LRRTM4: variants seen among roughly 807,000 people sequenced by gnomAD.
LRRTM4 encodes leucine rich repeat transmembrane neuronal 4, also known as leucine-rich repeat transmembrane neuronal protein 4.
Under a neutral mutation model 47.6 loss-of-function variants are expected in LRRTM4, and 25 were observed. The ratio of observed to expected loss-of-function variants is 0.53; its 90% CI spans 0.38 to 0.73. The LOEUF (loss-of-function observed/expected upper bound fraction) is 0.73. LRRTM4 is among the 30% of genes least tolerant of loss of function. The pLI is 0.00. For synonymous variants in LRRTM4, 311 were observed against 269.5 expected, an observed-to-expected ratio of 1.15 and a Z score of -1.51; for missense variants, 638 against 713.4, an observed-to-expected ratio of 0.89 and a Z score of 1.20.
rs1675832205 is a variant in LRRTM4, at chr2:77,258,595, G to GT, written c.1551+259722_1551+259723insA. On this transcript the variant is annotated intron_variant, in intron 3 of 3. Coordinates refer to ENST00000409884, the MANE Select transcript of LRRTM4 (RefSeq NM_001134745.3). ...GTAATTATTTCAAAATTAAAAATTAGGAAAAAAAAACAAAATAATTCAATA... is the reference window on the plus strand; with the variant it reads ...GTAATTATTTCAAAATTAAAAATTAGTGAAAAAAAAACAAAATAATTCAATA... Among the ~76,000 whole-genome samples, 8 of 150,944 alleles carry GT rather than the reference G, an allele frequency of 5.3e-5. No homozygotes were observed. The South Asian group carries it at 1.0e-3, about 20-fold the overall frequency.
rs1024844279 is a variant in LRRTM4 at position 76,974,197 on chromosome 2, C to T, written c.1552-225281G>A. 2.4e-4 allele frequency among the ~76,000 whole-genome samples: 28 copies of T among 118,088 alleles called. 1 individual carries two copies. The highest frequency in any genetic ancestry group is 7.7e-4 in the South Asian group (3 of 3,902). The allele number at this position is 118,088 out of a possible 152,430, so 77.5% of individuals were successfully genotyped here. On this transcript the variant is annotated intron_variant, in intron 3 of 3. Transcript: ENST00000409884. ...ACATATATATACATACATATATATA[C>T]ATATATATATATACACATATATATA...
intron 3 of LRRTM4, among the ~76,000 whole-genome samples, chr2:77,223,555 TA>T (rs1248374317): frequency 1.3e-5 from 2 of 152,152 alleles, no homozygotes; most frequent in Non-Finnish European, 2.9e-5. Flanking sequence ...AGCATTCTTA[TA>T]CAACAATAAC....
At chr2:77,226,508 T>C (rs1300610661) in intron 3 of LRRTM4, among the ~76,000 whole-genome samples, 1 of 148,744 alleles carries the variant, frequency 6.7e-6, no homozygotes, top group East Asian at 2.0e-4. Flanking sequence ...TATTTTCTAC[T>C]GATGTGCTTA....
At chr2:77,517,517 G>A in intron 3 of LRRTM4, 2 of 984,800 alleles carry the variant, frequency 2.0e-6, no homozygotes, top group Non-Finnish European at 2.4e-6. Flanking sequence ...TAGTTACCAG[G>A]GACAAAGCCA....
chr2:77,031,216 GTTT>G (rs1348354238), intron 3 of LRRTM4, among the ~76,000 whole-genome samples: 3 of 151,932 alleles, frequency 2.0e-5, no homozygotes, highest in African/African-American at 4.8e-5. Flanking sequence ...AAATATTTGT[GTTT>G]TTAAAATAAT....
At chr2:77,068,939 G>A (rs1415501536) in intron 3 of LRRTM4, among the ~76,000 whole-genome samples, 1 of 152,184 alleles carries the variant, frequency 6.6e-6, no homozygotes, top group Non-Finnish European at 1.5e-5. Context: ...ACAATAGCAT[G>A]AGCGATCTGT....
intron 3 of LRRTM4, among the ~76,000 whole-genome samples, chr2:76,970,721 T>C (rs1352512900): frequency 6.6e-6 from 1 of 152,060 alleles, no homozygotes; most frequent in East Asian, 1.9e-4. Context: ...CCTAGAGCTG[T>C]AGCAATGTAA....
intron 3 of LRRTM4, among the ~76,000 whole-genome samples, chr2:77,134,572 G>T (rs1169375617): frequency 6.6e-6 from 1 of 152,092 alleles, no homozygotes; most frequent in African/African-American, 2.4e-5. Context: ...GTTTTCACAT[G>T]ACTATGTCTG....
chr2:77,233,019 A>T (rs2119033), intron 3 of LRRTM4, among the ~76,000 whole-genome samples: 151,997 of 152,338 alleles, frequency 1, 75,830 homozygotes, highest in East Asian at 1. Flanking sequence ...TAGTGGATGA[A>T]AAGTTGTTAG....
At chr2:76,824,429 T>C (rs1209844515) in intron 3 of LRRTM4, among the ~76,000 whole-genome samples, 1 of 151,588 alleles carries the variant, frequency 6.6e-6, no homozygotes, top group Non-Finnish European at 1.5e-5. Context: ...GTTCAACCAA[T>C]GAATTATAGC....
At chr2:76,829,852 C>T (rs896789151) in intron 3 of LRRTM4, among the ~76,000 whole-genome samples, 6 of 151,982 alleles carry the variant, frequency 3.9e-5, no homozygotes, top group African/African-American at 1.2e-4. Flanking sequence ...AAATCATAAC[C>T]GTCACTTAGA....
At chr2:77,161,939 G>A (rs1205703213) in intron 3 of LRRTM4, among the ~76,000 whole-genome samples, 1 of 152,186 alleles carries the variant, frequency 6.6e-6, no homozygotes, top group African/African-American at 2.4e-5. Context: ...AATAGCTCCA[G>A]TCTACAGCTC....
At chr2:76,767,222 T>C (rs73940051) in intron 3 of LRRTM4, among the ~76,000 whole-genome samples, 2,565 of 152,316 alleles carry the variant, frequency 0.017, 76 homozygotes, top group African/African-American at 0.056. Context: ...TAGGTGCACA[T>C]GCAGCAATTT....
chr2:77,221,107 G>A (rs1172927130), intron 3 of LRRTM4, among the ~76,000 whole-genome samples: 2 of 152,142 alleles, frequency 1.3e-5, no homozygotes, highest in Admixed American at 6.5e-5. Flanking sequence ...GCCAAACTAA[G>A]CTTCATAAGT....
intron 3 of LRRTM4, among the ~76,000 whole-genome samples, chr2:77,191,098 C>T (rs890611266): frequency 6.6e-6 from 1 of 152,102 alleles, no homozygotes; most frequent in African/African-American, 2.4e-5. Flanking sequence ...ATTTCTAGCA[C>T]TGTAAGTTTT....
chr2:77,492,798 T>C (rs1446927512), intron 3 of LRRTM4, among the ~76,000 whole-genome samples: 1 of 152,146 alleles, frequency 6.6e-6, no homozygotes, highest in Admixed American at 6.5e-5. Context: ...ACAAACATTA[T>C]ACAATGTGAA....
intron 3 of LRRTM4, among the ~76,000 whole-genome samples, chr2:77,130,512 TTTTA>T (rs1358409883): frequency 1.5e-5 from 2 of 134,540 alleles, no homozygotes; most frequent in Admixed American, 1.6e-4. Flanking sequence ...AAATAATTAT[TTTTA>T]TTTTTATTTT....
intron 3 of LRRTM4, among the ~76,000 whole-genome samples, chr2:76,972,374 G>T: frequency 6.8e-6 from 1 of 146,446 alleles, no homozygotes; most frequent in African/African-American, 2.5e-5. Flanking sequence ...TCTGCCTTGT[G>T]TATATCATCG....
chr2:77,496,432 T>G (rs576304652), intron 3 of LRRTM4, among the ~76,000 whole-genome samples: 4 of 151,872 alleles, frequency 2.6e-5, no homozygotes, highest in African/African-American at 7.2e-5. Flanking sequence ...TTCTTTTGTC[T>G]TCATTGTGTA....
Sources: allele counts gnomAD v4.1 joint callset (sites outside exome capture counted in the v4.1 genomes callset), GRCh38; gene constraint gnomAD v4.1.1; transcripts MANE v1.5; gene names NCBI Gene and HGNC (gene_info 2026-07-23, HGNC 2026-07-21).